Variants in GALNT13 observed in about 807,000 individuals in gnomAD.
GALNT13 encodes the protein polypeptide N-acetylgalactosaminyltransferase 13, also known as UDP-GalNAc:polypeptide N-acetylgalactosaminyltransferase 13.
GALNT13 carries 28 observed loss-of-function variants against 64.2 expected under a neutral mutation model. The observed-to-expected ratio is 0.44, with a 90% CI of 0.32 to 0.60. The LOEUF is 0.60. Ranked by LOEUF, GALNT13 falls within the 20% of genes least tolerant of loss-of-function variation. The probability of loss-of-function intolerance (pLI) is 0.05; values close to 1 mark genes in which losing one functional copy is unlikely to be tolerated. For synonymous variants in GALNT13, 214 were observed against 224.6 expected (o/e 0.95, Z 0.42); for missense variants, 577 against 669.8 (o/e 0.86, Z 1.53).
the GALNT13 span, among the ~76,000 whole-genome samples, chr2:153,781,813 G>A: frequency 2.6e-5 from 4 of 152,086 alleles, no homozygotes; most frequent in Non-Finnish European, 5.9e-5. Flanking sequence ...ATAGAGAATT[G>A]CAAATGATTT....
At chr2:153,591,843 A>G in the GALNT13 span, among the ~76,000 whole-genome samples, 1 of 152,118 alleles carries the variant, frequency 6.6e-6, no homozygotes, top group Non-Finnish European at 1.5e-5. Flanking sequence ...TAAATAAACT[A>G]AAAAACTTCT....
chr2:153,355,207 T>C, the GALNT13 span, among the ~76,000 whole-genome samples: 8 of 152,202 alleles, frequency 5.3e-5, no homozygotes, highest in Admixed American at 5.2e-4. Context: ...GGACAAAGCT[T>C]ATATTGCAAA....
rs545451276 is a variant in GALNT13, at chr2:153,888,871, A to C, written c.-176-12065A>C. Among the ~76,000 whole-genome samples, 3 of 152,144 alleles carry C rather than the reference A, an allele frequency of 2.0e-5. No homozygotes were observed. In the East Asian group the frequency reaches 5.8e-4, roughly 29 times the overall value. On this transcript the variant is annotated intron_variant, in intron 1 of 12. Transcript: ENST00000392825. ...TAGAGTGATAGTCAATTGATAATTA[A>C]TCCTGTAAGTTCACTTTCAGAACAG... is the stretch of plus-strand genomic sequence containing the variant.
At chr2:153,647,053 A>T in the GALNT13 span, among the ~76,000 whole-genome samples, 1,413 of 152,058 alleles carry the variant, frequency 9.3e-3, 19 homozygotes, top group African/African-American at 0.032. Flanking sequence ...ACTTCCACAA[A>T]GGTTGAACTA....
intron 3 of GALNT13, among the ~76,000 whole-genome samples, chr2:154,121,826 A>G (rs1447720907): frequency 6.6e-6 from 1 of 152,004 alleles, no homozygotes; most frequent in Non-Finnish European, 1.5e-5. Flanking sequence ...TTTCTTTCCA[A>G]TCCATTAAAC....
At chr2:153,082,608 TATATATATATACACACACACAC>T in the GALNT13 span, among the ~76,000 whole-genome samples, 15 of 44,934 alleles carry the variant, frequency 3.3e-4, 1 homozygote, top group Admixed American at 1.1e-3. Context: ...TATATATATA[TATATATATATACACACACACAC>T]ACACACACAC....
At chr2:153,536,513 C>G in the GALNT13 span, among the ~76,000 whole-genome samples, 1 of 151,904 alleles carries the variant, frequency 6.6e-6, no homozygotes, top group East Asian at 1.9e-4. Context: ...GAAGTGATGA[C>G]TTGTAAGCTC....
At chr2:154,307,607 G>T (rs758929520) in intron 9 of GALNT13, among the ~76,000 whole-genome samples, 1 of 138,726 alleles carries the variant, frequency 7.2e-6, no homozygotes, top group Non-Finnish European at 1.6e-5. Context: ...TTCAAGAATA[G>T]ATTTTTTTTT....
chr2:154,390,419 C>T (rs1245323134), intron 9 of GALNT13, among the ~76,000 whole-genome samples: 2 of 152,124 alleles, frequency 1.3e-5, no homozygotes, highest in African/African-American at 4.8e-5. Context: ...GTATTGTTCC[C>T]CTCTATGTGT....
chr2:153,165,665 T>C, the GALNT13 span, among the ~76,000 whole-genome samples: 1 of 152,186 alleles, frequency 6.6e-6, no homozygotes, highest in Non-Finnish European at 1.5e-5. Flanking sequence ...CTTATTTTGG[T>C]AGAAGCTGCT....
At chr2:153,988,442 G>A (rs545383288) in intron 3 of GALNT13, among the ~76,000 whole-genome samples, 6 of 151,774 alleles carry the variant, frequency 4.0e-5, no homozygotes, top group South Asian at 4.2e-4. Flanking sequence ...TTTGTGCCTC[G>A]CTTATGTCAC....
the GALNT13 span, among the ~76,000 whole-genome samples, chr2:153,492,572 A>C: frequency 0.047 from 7,150 of 152,310 alleles, 637 homozygotes; most frequent in East Asian, 0.43. Context: ...TCAAAGTCCC[A>C]CACTGCTGGG....
At chr2:153,484,961 T>C in the GALNT13 span, among the ~76,000 whole-genome samples, 1 of 152,216 alleles carries the variant, frequency 6.6e-6, no homozygotes, top group Non-Finnish European at 1.5e-5. Context: ...TATAAACTTG[T>C]GTTTTTACTG....
the GALNT13 span, among the ~76,000 whole-genome samples, chr2:153,242,284 C>T: frequency 1.3e-5 from 2 of 152,112 alleles, no homozygotes; most frequent in South Asian, 2.1e-4. Context: ...TTGAGCTTCC[C>T]ACCCACACCC....
the GALNT13 span, among the ~76,000 whole-genome samples, chr2:153,365,353 A>G: frequency 6.6e-6 from 1 of 152,168 alleles, no homozygotes; most frequent in Non-Finnish European, 1.5e-5. Flanking sequence ...TGAGTAAAAC[A>G]CCAAAAACAA....
At chr2:153,501,135 A>C in the GALNT13 span, among the ~76,000 whole-genome samples, 255 of 152,236 alleles carry the variant, frequency 1.7e-3, no homozygotes, top group African/African-American at 6.0e-3. Context: ...GGTTTAAAAC[A>C]CTTGATATTA....
At chr2:153,632,984 C>T in the GALNT13 span, among the ~76,000 whole-genome samples, 1 of 152,022 alleles carries the variant, frequency 6.6e-6, no homozygotes, top group South Asian at 2.1e-4. Flanking sequence ...TGGTCTCGAA[C>T]TCCTGACCTC....
At chr2:153,622,861 G>C in the GALNT13 span, among the ~76,000 whole-genome samples, 2 of 151,980 alleles carry the variant, frequency 1.3e-5, no homozygotes, top group African/African-American at 2.4e-5. Flanking sequence ...AAATAATATG[G>C]ATTATTAACC....
the GALNT13 span, among the ~76,000 whole-genome samples, chr2:153,315,223 G>C: frequency 6.6e-6 from 1 of 152,104 alleles, no homozygotes; most frequent in African/African-American, 2.4e-5. Flanking sequence ...AATAGACATG[G>C]TGGCTTATTT....
Sources: allele counts gnomAD v4.1 joint callset (sites outside exome capture counted in the v4.1 genomes callset), GRCh38; gene constraint gnomAD v4.1.1; transcripts MANE v1.5; gene names NCBI Gene and HGNC (gene_info 2026-07-23, HGNC 2026-07-21).